FLT1: variants seen among roughly 807,000 people sequenced by gnomAD.
FLT1 encodes the protein fms related receptor tyrosine kinase 1, also known as vascular endothelial growth factor receptor 1.
FLT1 carries 49 observed loss-of-function variants against 156.3 expected under a neutral mutation model. The observed-to-expected ratio is 0.31, with a 90% confidence interval of 0.25 to 0.40. The LOEUF is 0.40. Among genes scored for constraint, FLT1 ranks in the 10% least tolerant of loss-of-function variants. The probability of loss-of-function intolerance (pLI) is 1.00; values close to 1 mark genes in which losing one functional copy is unlikely to be tolerated. For synonymous variants in FLT1, 594 were observed against 583.8 expected, an observed-to-expected ratio of 1.02 and a Z score of -0.25; for missense variants, 1,322 against 1,637.2, an observed-to-expected ratio of 0.81 and a Z score of 3.32.
At chr13:28,360,642 C>G (rs557113108) in intron 14 of FLT1, among the ~76,000 whole-genome samples, 47 of 152,188 alleles carry the variant, frequency 3.1e-4, no homozygotes, top group African/African-American at 1.1e-3. Context: ...AAAAGTTGAA[C>G]TCATAGATGT....
intron 25 of FLT1, among the ~76,000 whole-genome samples, chr13:28,314,869 C>G (rs1418399146): frequency 6.6e-6 from 1 of 152,198 alleles, no homozygotes; most frequent in Non-Finnish European, 1.5e-5. Context: ...CTCTCTAGGT[C>G]ACCTGAGGCA....
At chr13:28,457,804 C>T (rs1288603872) in intron 3 of FLT1, among the ~76,000 whole-genome samples, 1 of 151,970 alleles carries the variant, frequency 6.6e-6, no homozygotes, top group Admixed American at 6.6e-5. Flanking sequence ...TCCTTAAAAC[C>T]ATAAAGTTTT....
rs1441780480 is a variant in FLT1, at chr13:28,427,714, C to T, written c.1276+38G>A. On this transcript the variant is annotated intron_variant, in intron 9 of 29. Coordinates refer to ENST00000282397, the MANE Select transcript of FLT1 (RefSeq NM_002019.4). ...TCATAAATGTTCACTAATTTGTTGC[C>T]TACCAGAACCAGAAGAAAGTATGAA... 2.5e-6 allele frequency: 4 copies of T among 1,583,918 alleles called. No homozygotes were observed. The African/African-American group carries it at 4.0e-5, about 16-fold the overall frequency.
At position 28,302,135 on chromosome 13, in the gene FLT1, ACTCCT is replaced by A. The variant is rs1242872592; in HGVS notation, c.*1027_*1031del. The A allele has an allele frequency of 8.6e-6, 2 of 231,954 alleles. No individual in the cohort carries two copies. The highest frequency in any genetic ancestry group is 1.2e-3 in the Middle Eastern group (1 of 808). The allele number at this position is 231,954 out of a possible 1,614,324, so 14.4% of individuals were successfully genotyped here. A position where few individuals can be genotyped will look rare whatever the true frequency, so the allele number is the denominator to read the frequency against. On this transcript the variant is annotated 3_prime_UTR_variant, in exon 30 of 30. Transcript: ENST00000282397. ...CAGCCCTCGTTTTGATATGGAGAAA[ACTCCT>A]CTCCTCAGGACTGCATTTTCATTCT...
intron 14 of FLT1, among the ~76,000 whole-genome samples, chr13:28,359,281 G>T (rs1270611438): frequency 1.3e-5 from 2 of 152,136 alleles, no homozygotes; most frequent in Non-Finnish European, 2.9e-5. Context: ...AACACACAAT[G>T]GGGAAAGGAC....
intron 15 of FLT1, among the ~76,000 whole-genome samples, chr13:28,348,659 C>A (rs888440166): frequency 1.3e-5 from 2 of 152,160 alleles, no homozygotes; most frequent in African/African-American, 2.4e-5. Flanking sequence ...CCTGTAATCC[C>A]AGCACTTTGG....
intron 3 of FLT1, among the ~76,000 whole-genome samples, chr13:28,457,627 T>C (rs1408066319): frequency 6.6e-6 from 1 of 152,178 alleles, no homozygotes; most frequent in Non-Finnish European, 1.5e-5. Context: ...ACCATAAAGA[T>C]AAAAACAGAT....
chr13:28,470,164 G>T (rs2137629362), intron 1 of FLT1, among the ~76,000 whole-genome samples: 1 of 152,300 alleles, frequency 6.6e-6, no homozygotes, highest in African/African-American at 2.4e-5. Flanking sequence ...GATCCCATTG[G>T]TCTATCAAAC....
At chr13:28,471,746 G>T (rs1880192324) in intron 1 of FLT1, among the ~76,000 whole-genome samples, 1 of 152,110 alleles carries the variant, frequency 6.6e-6, no homozygotes, top group Non-Finnish European at 1.5e-5. Flanking sequence ...TCACATGGCA[G>T]CCTAGAAATC....
rs746991467 is a variant in FLT1 at position 28,433,792 on chromosome 13, GAAGAAATAGA to G, written c.813+17_813+26del. The G allele has an allele frequency of 6.2e-7, 1 of 1,610,476 alleles. No individual in the cohort carries two copies. Among genetic ancestry groups the G allele is most frequent in the Non-Finnish European group, 8.5e-7 (1 of 1,176,778 alleles). Reference sequence around the variant, plus strand: ...CACTTGCTTAAAATACTGTCCTGCAGAAGAAATAGAAAAATGGGTCACTCACTTCATCAGG... The same window carrying G: ...CACTTGCTTAAAATACTGTCCTGCAGAAAATGGGTCACTCACTTCATCAGG... On this transcript the variant is annotated intron_variant, in intron 6 of 29. Coordinates refer to ENST00000282397, the MANE Select transcript of FLT1 (RefSeq NM_002019.4).
chr13:28,378,705 T>A (rs1230948321), intron 14 of FLT1, among the ~76,000 whole-genome samples: 2 of 152,130 alleles, frequency 1.3e-5, no homozygotes, highest in African/African-American at 4.8e-5. Context: ...TAGCATTAGG[T>A]AAGTTCTAAA....
intron 11 of FLT1, among the ~76,000 whole-genome samples, chr13:28,397,751 T>TGTGTGTGCC (rs1264214554): frequency 1.9e-5 from 1 of 52,288 alleles, no homozygotes; most frequent in Non-Finnish European, 3.8e-5. Context: ...AAGGAGACCG[T>TGTGTGTGCC]GTGTGTGTGT....
At chr13:28,350,128 AG>A (rs1158464382) in intron 15 of FLT1, among the ~76,000 whole-genome samples, 3 of 152,222 alleles carry the variant, frequency 2.0e-5, no homozygotes, top group African/African-American at 7.2e-5. Context: ...AGCAGCACAC[AG>A]GAGTGGAAAG....
rs35073261 is a variant in FLT1, at chr13:28,466,909, T to G, written c.382A>C (p.Ile128Leu). Residue 128 changes from isoleucine (I) to leucine (L), a missense_variant, in exon 3 of 30, where the codon ATT becomes CTT. Around this residue, in one of 3 missense-constraint regions of FLT1, gnomAD observed 991 missense variants for 1,254.8 expected, o/e 0.79. Coordinates refer to ENST00000282397, the MANE Select transcript of FLT1 (RefSeq NM_002019.4). ...KETESAIYIF[I>L]SDTGRPFVEM... ...TAGAAAATGGAAGTCTTACCACTAA[T>G]AAATATATAGATTGCAGATTCTGTT... 1,358 of 1,601,038 alleles carry G rather than the reference T, an allele frequency of 8.5e-4. No individual in the cohort carries two copies. Among genetic ancestry groups the G allele is most frequent in the Non-Finnish European group, 1.1e-3 (1,306 of 1,168,016 alleles).
At position 28,395,605 on chromosome 13, in the gene FLT1, T is replaced by G. The variant is rs1352502767; in HGVS notation, c.1660+1355A>C. Among the ~76,000 whole-genome samples, 6 of 152,150 alleles carry G rather than the reference T, an allele frequency of 3.9e-5. No homozygotes were observed. In the East Asian group the frequency reaches 1.2e-3, roughly 29 times the overall value. ...AATTAATTTTACTTTTAAAAAAACGTGGTTACTAGAAAGTTTTAAATGGTA... is the reference window on the plus strand; with the variant it reads ...AATTAATTTTACTTTTAAAAAAACGGGGTTACTAGAAAGTTTTAAATGGTA... On this transcript the variant is annotated intron_variant, in intron 12 of 29. Coordinates refer to ENST00000282397, the MANE Select transcript of FLT1 (RefSeq NM_002019.4).
At position 28,389,958 on chromosome 13, in the gene FLT1, T is replaced by C. The variant is rs1302031800; in HGVS notation, c.1807A>G (p.Ser603Gly). 2 of 1,614,188 alleles carry C rather than the reference T, an allele frequency of 1.2e-6. No homozygotes were observed. Among genetic ancestry groups the C allele is most frequent in the Non-Finnish European group, 1.7e-6 (2 of 1,180,024 alleles). Residue 603 changes from serine (S) to glycine (G), a missense_variant, in exon 13 of 30, where the codon AGT becomes GGT. Transcript: ENST00000282397. ...RTVNNRTMHY[S>G]ISKQKMAITK... Reference sequence around the variant, plus strand: ...ATGGCCATTTTTTGCTTGCTAATACTGTAGTGCATTGTTCTGTTATTAACT... The same window carrying C: ...ATGGCCATTTTTTGCTTGCTAATACCGTAGTGCATTGTTCTGTTATTAACT...
At chr13:28,414,449 A>G (rs941347324) in intron 10 of FLT1, among the ~76,000 whole-genome samples, 14 of 152,252 alleles carry the variant, frequency 9.2e-5, no homozygotes, top group African/African-American at 3.4e-4. Flanking sequence ...GTTTTATTAC[A>G]GGCACTAAAA....
At position 28,319,447 on chromosome 13, in the gene FLT1, A is replaced by G. The variant is rs1266058138; in HGVS notation, c.3262T>C (p.Leu1088=). 6.2e-7 allele frequency: 1 copy of G among 1,613,084 alleles called. No individual in the cohort carries two copies. Among genetic ancestry groups the G allele is most frequent in the Non-Finnish European group, 8.5e-7 (1 of 1,179,102 alleles). The change falls in exon 24 of 30, where the codon TTG becomes CTG. Residue 1088 remains leucine (L), a synonymous_variant. Coordinates refer to ENST00000282397, the MANE Select transcript of FLT1 (RefSeq NM_002019.4). ...TKSDVWSYGV[L]LWEIFSLGGS... The stretch of plus-strand genomic sequence containing the variant: ...CCTAAGGAGAAGATTTCCCACAGCA[A>G]TACTCCGTAAGACCACACGTCGCTC...
At chr13:28,399,476 G>C (rs1875291243) in intron 11 of FLT1, among the ~76,000 whole-genome samples, 1 of 152,064 alleles carries the variant, frequency 6.6e-6, no homozygotes, top group African/African-American at 2.4e-5. Context: ...ATTGAACTTA[G>C]AGCAACCGAG....
Sources: gnomAD v4.1 joint callset for allele counts (sites outside exome capture counted in the v4.1 genomes callset) on GRCh38, gnomAD v4.1.1 for gene constraint, gnomAD v4.1.1 regional missense constraint, MANE v1.5 for transcripts, NCBI Gene and HGNC (gene_info 2026-07-23, HGNC 2026-07-21) for gene names.